Variants in OR4N2 observed in about 807,000 individuals in gnomAD.
OR4N2 encodes the protein olfactory receptor family 4 subfamily N member 2.
For missense variants in OR4N2, 307 were observed against 377.6 expected, an observed-to-expected ratio of 0.81 and a Z score of 1.55; for synonymous variants, 141 against 140.4, an observed-to-expected ratio of 1.00 and a Z score of -0.03.
intron 1 of OR4N2, among the ~76,000 whole-genome samples, chr14:19,815,875 T>A (rs1435204686): frequency 6.6e-6 from 1 of 152,258 alleles, no homozygotes; most frequent in Non-Finnish European, 1.5e-5. Flanking sequence ...TAATTTTGTA[T>A]AAGGTGTAAG....
At chr14:19,812,633 C>T (rs1216313812) in intron 1 of OR4N2, among the ~76,000 whole-genome samples, 2 of 152,232 alleles carry the variant, frequency 1.3e-5, no homozygotes, top group Non-Finnish European at 2.9e-5. Context: ...GCTGGGATGA[C>T]AGGCGTGAGC....
intron 1 of OR4N2, among the ~76,000 whole-genome samples, chr14:19,819,379 C>T (rs568666934): frequency 2.0e-5 from 3 of 152,240 alleles, no homozygotes; most frequent in African/African-American, 4.8e-5. Context: ...AGGATTTGTT[C>T]GTTCCTTTTC....
chr14:19,821,571 G>A (rs186162674), intron 1 of OR4N2, among the ~76,000 whole-genome samples: 55 of 152,174 alleles, frequency 3.6e-4, no homozygotes, highest in East Asian at 2.7e-3. Flanking sequence ...ATTATAACAC[G>A]TAAATTTACT....
chr14:19,828,246 A>G lies in OR4N2; in HGVS notation c.798A>G (p.Pro266=), dbSNP rs145307222. Residue 266 remains proline, a synonymous_variant, in exon 2 of 2, where the codon CCA becomes CCG. Coordinates refer to ENST00000557677, the MANE Select transcript of OR4N2 (RefSeq NM_001004723.3). The part of the protein sequence containing the change: ...FIYTRPFRAF[P]ADKVVSLFHT... ...ACACGCGCCCCTTCAGGGCTTTCCC[A>G]GCTGACAAGGTGGTTTCTCTCTTCC... 19 of 1,614,254 alleles carry G rather than the reference A, an allele frequency of 1.2e-5. No individual in the cohort carries two copies. The African/African-American group carries it at 2.1e-4, about 18-fold the overall frequency.
intron 1 of OR4N2, among the ~76,000 whole-genome samples, chr14:19,806,183 C>T (rs1405862420): frequency 6.6e-6 from 1 of 152,034 alleles, no homozygotes; most frequent in African/African-American, 2.4e-5. Flanking sequence ...TATAAAATAT[C>T]CAGCTAACAG....
At chr14:19,818,228 GTCCTGAATA>G (rs1369095322) in intron 1 of OR4N2, among the ~76,000 whole-genome samples, 2 of 152,204 alleles carry the variant, frequency 1.3e-5, no homozygotes, top group Non-Finnish European at 2.9e-5. Context: ...ATGAGTTCAA[GTCCTGAATA>G]TCCTTGTTAA....
At chr14:19,827,240 G>T (rs1268712506) in intron 1 of OR4N2, among the ~76,000 whole-genome samples, 200 bp from the exon 2 acceptor site, 6 of 152,240 alleles carry the variant, frequency 3.9e-5, no homozygotes, top group Non-Finnish European at 5.9e-5. Context: ...CTGTAGCTTT[G>T]AGAACCATAT....
intron 1 of OR4N2, among the ~76,000 whole-genome samples, chr14:19,812,261 A>C (rs925509864): frequency 3.9e-5 from 6 of 151,988 alleles, no homozygotes; most frequent in African/African-American, 9.7e-5. Flanking sequence ...AAAAAAAGAA[A>C]AGAAAATTCT....
intron 1 of OR4N2, among the ~76,000 whole-genome samples, chr14:19,810,812 A>C (rs1879277509): frequency 6.6e-6 from 1 of 152,272 alleles, no homozygotes; most frequent in Non-Finnish European, 1.5e-5. Flanking sequence ...ATTTTAAAAG[A>C]GAAACACACA....
chr14:19,815,655 G>GTTTTTTTTTT (rs59019427), intron 1 of OR4N2, among the ~76,000 whole-genome samples: 162 of 138,340 alleles, frequency 1.2e-3, no homozygotes, highest in Middle Eastern at 3.7e-3. Context: ...GTTTTTTTTT[G>GTTTTTTTTTT]TTTTTTTTTT....
intron 1 of OR4N2, among the ~76,000 whole-genome samples, chr14:19,825,848 G>A (rs1182992754): frequency 6.6e-6 from 1 of 152,286 alleles, no homozygotes; most frequent in Non-Finnish European, 1.5e-5. Context: ...ATGAGTCATC[G>A]TGCCCGGCCG....
chr14:19,814,278 C>T (rs1262535831), intron 1 of OR4N2, among the ~76,000 whole-genome samples: 3 of 152,196 alleles, frequency 2.0e-5, no homozygotes, highest in Admixed American at 1.3e-4. Context: ...GAACAAATTA[C>T]AAATACCAAG....
At chr14:19,826,131 C>T (rs557571996) in intron 1 of OR4N2, among the ~76,000 whole-genome samples, 14 of 152,196 alleles carry the variant, frequency 9.2e-5, no homozygotes, top group South Asian at 2.1e-4. Flanking sequence ...TGTTATACAC[C>T]GACTAAATAT....
intron 1 of OR4N2, among the ~76,000 whole-genome samples, chr14:19,821,213 G>A (rs1879557281): frequency 6.6e-6 from 1 of 152,234 alleles, no homozygotes; most frequent in African/African-American, 2.4e-5. Flanking sequence ...CTTCCCCGGT[G>A]ATGTGATGCC....
intron 1 of OR4N2, among the ~76,000 whole-genome samples, chr14:19,805,606 A>G (rs185228894): frequency 2.2e-4 from 33 of 152,322 alleles, no homozygotes; most frequent in Middle Eastern, 3.4e-3. Flanking sequence ...GACCAAATCT[A>G]CAACTCATTA....
At chr14:19,827,384 T>C in intron 1 of OR4N2, 56 bp from the exon 2 acceptor site, 1 of 1,419,418 alleles carries the variant, frequency 7.0e-7, no homozygotes, top group Middle Eastern at 1.8e-4. Flanking sequence ...GTATAACTAG[T>C]ATCTAGTTGG....
At chr14:19,822,161 A>T (rs552472707) in intron 1 of OR4N2, 1 of 152,372 alleles carries the variant, frequency 6.6e-6, no homozygotes, top group East Asian at 1.9e-4. Context: ...GGCACTATGT[A>T]CTCTCTCTCC....
intron 1 of OR4N2, among the ~76,000 whole-genome samples, chr14:19,826,762 C>T (rs1221416226): frequency 1.3e-5 from 2 of 152,212 alleles, no homozygotes; most frequent in African/African-American, 4.8e-5. Context: ...TGTGGAGTGG[C>T]CACAGGAGTG....
chr14:19,810,662 C>T (rs1048052310), intron 1 of OR4N2, among the ~76,000 whole-genome samples: 12 of 152,266 alleles, frequency 7.9e-5, no homozygotes, highest in East Asian at 5.8e-4. Flanking sequence ...AGATCATGTC[C>T]TTTGCAAGAA....
Sources: allele counts gnomAD v4.1 joint callset (sites outside exome capture counted in the v4.1 genomes callset), GRCh38; gene constraint gnomAD v4.1.1; transcripts MANE v1.5; gene names NCBI Gene and HGNC (gene_info 2026-07-23, HGNC 2026-07-21).